RP1: variants seen among roughly 807,000 people sequenced by gnomAD.
RP1 encodes the protein oxygen-regulated protein 1.
In RP1, 16 loss-of-function variants were observed where a neutral mutation model predicts 14.8. That is an observed-to-expected ratio of 1.08 (90% confidence interval 0.73 to 1.65). RP1 has a LOEUF of 1.65. Among genes scored for constraint, RP1 ranks in the 40% most tolerant of loss-of-function variants. The pLI, the probability that RP1 is intolerant of heterozygous loss-of-function variation, is 0.00. For synonymous variants in RP1, 876 were observed against 883.6 expected, an observed-to-expected ratio of 0.99 and a Z score of 0.15; for missense variants, 2,631 against 2,535.0, an observed-to-expected ratio of 1.04 and a Z score of -0.81.
At chr8:54,844,769 T>C (rs1811874627) in intron 25 of RP1, among the ~76,000 whole-genome samples, 1 of 152,226 alleles carries the variant, frequency 6.6e-6, no homozygotes, top group Non-Finnish European at 1.5e-5. Context: ...TATTCTTATG[T>C]GATCCTATAG....
intron 19 of RP1, among the ~76,000 whole-genome samples, chr8:54,746,408 G>C (rs1339099193): frequency 6.6e-6 from 1 of 152,132 alleles, no homozygotes; most frequent in Non-Finnish European, 1.5e-5. Context: ...GTGAAGGTCT[G>C]ACTTGCTATT....
At chr8:54,833,206 T>G (rs1470648209) in intron 24 of RP1, among the ~76,000 whole-genome samples, 2 of 152,020 alleles carry the variant, frequency 1.3e-5, no homozygotes, top group African/African-American at 4.8e-5. Context: ...AAGTTCATTC[T>G]GCCCATTCTT....
At chr8:54,870,125 C>T (rs1812555816) in exon 29 of RP1, 2 of 379,536 alleles carry the variant, frequency 5.3e-6, no homozygotes, top group South Asian at 2.9e-4. Flanking sequence ...CCTCCGCCAA[C>T]AGCTGACCAA....
At chr8:54,793,503 G>T (rs752305498) in intron 24 of RP1, among the ~76,000 whole-genome samples, 1 of 151,922 alleles carries the variant, frequency 6.6e-6, no homozygotes, top group Non-Finnish European at 1.5e-5. Context: ...TTTATCCCTG[G>T]AGTGCAAGGA....
Position 54,719,188 on chromosome 8 carries a change from C to T in RP1, c.2212-941C>T, listed in dbSNP as rs182640827. On this transcript the variant is annotated intron_variant, in intron 15 of 22. Transcript: ENST00000636932. ...TGTCTTAGTTTATGGTGCCCCTCCACCTGAAATTTCCTATCCCTACCCCCA... is the reference window on the plus strand; with the variant it reads ...TGTCTTAGTTTATGGTGCCCCTCCATCTGAAATTTCCTATCCCTACCCCCA... Among the ~76,000 whole-genome samples the T allele has an allele frequency of 2.8e-4, 43 of 152,206 alleles. No homozygotes were observed. In the East Asian group the frequency reaches 8.1e-3, roughly 29 times the overall value.
chr8:54,596,475 C>G (rs1239665666), intron 1 of RP1, among the ~76,000 whole-genome samples: 7 of 152,172 alleles, frequency 4.6e-5, no homozygotes, highest in Admixed American at 4.6e-4. Context: ...TTATTCTGAT[C>G]CCTCTCCAAA....
intron 4 of RP1, among the ~76,000 whole-genome samples, chr8:54,651,031 CA>C (rs1476546537): frequency 2.0e-5 from 3 of 151,356 alleles, no homozygotes; most frequent in East Asian, 1.9e-4. Flanking sequence ...GTGTGTGTGT[CA>C]GGGGGGCAGT....
intron 24 of RP1, among the ~76,000 whole-genome samples, chr8:54,802,758 A>G (rs903126447): frequency 5.3e-5 from 8 of 152,216 alleles, no homozygotes; most frequent in African/African-American, 1.9e-4. Context: ...AACACATGAC[A>G]CAGGCAAGAT....
At position 54,626,619 on chromosome 8, in the gene RP1, C is replaced by G. The variant is rs1806059329; in HGVS notation, c.2737C>G (p.Gln913Glu). ...TGAGGCTATTGCTCATCATTCAATT[C>G]AAAATTATATACAGAGTTGGTTGCA... is the stretch of plus-strand genomic sequence containing the variant. ...FPEAIAHHSIQNYIQSWLQNI... is the reference protein window; with the variant it reads ...FPEAIAHHSIENYIQSWLQNI... Residue 913 changes from glutamine to glutamate, a missense_variant, in exon 4 of 4, where the codon CAA becomes GAA. Physicochemically the swap from Gln to Glu is conservative, Grantham distance 29 (BLOSUM62 2). Transcript: ENST00000220676. The G allele has an allele frequency of 6.2e-7, 1 of 1,613,516 alleles. No homozygotes were observed. The highest frequency in any genetic ancestry group is 8.5e-7 in the Non-Finnish European group (1 of 1,179,880).
Position 54,860,832 on chromosome 8 carries a change from G to GTGCTAT in RP1, c.4069+3729_4069+3734dup, listed in dbSNP as rs536289727. 1.5e-4 allele frequency among the ~76,000 whole-genome samples: 23 copies of GTGCTAT among 152,324 alleles called. No individual in the cohort carries two copies. In the South Asian group the frequency reaches 4.6e-3, roughly 30 times the overall value. ...TAAATATTTGAAAGTAACCTTCACA[G>GTGCTAT]TGCTATTGTCCATTTGACAAAGGGA... On this transcript the variant is annotated intron_variant, in intron 27 of 28. Transcript: ENST00000637698.
intron 14 of RP1, chr8:54,701,770 C>A: frequency 9.9e-7 from 1 of 1,007,700 alleles, no homozygotes; most frequent in Non-Finnish European, 1.4e-6. Flanking sequence ...CGAATCACTT[C>A]CCACTAGGTG....
intron 1 of RP1, among the ~76,000 whole-genome samples, chr8:54,575,067 A>G (rs1804612151): frequency 6.6e-6 from 1 of 152,220 alleles, no homozygotes; most frequent in South Asian, 2.1e-4. Context: ...CAACACAAAT[A>G]ATAACATTAT....
chr8:54,599,666 G>T (rs112124827), intron 1 of RP1, among the ~76,000 whole-genome samples: 14 of 152,180 alleles, frequency 9.2e-5, no homozygotes, highest in African/African-American at 3.4e-4. Flanking sequence ...TGTTGGCCAG[G>T]CTGGTCTCAA....
intron 18 of RP1, among the ~76,000 whole-genome samples, chr8:54,736,880 G>C (rs1351642619): frequency 3.9e-5 from 6 of 152,152 alleles, no homozygotes; most frequent in Non-Finnish European, 5.9e-5. Flanking sequence ...CACTGGCCTA[G>C]GGGTTAATGG....
At chr8:54,624,598 G>T in intron 3 of RP1, 72 bp from the exon 4 acceptor site, 1 of 1,478,304 alleles carries the variant, frequency 6.8e-7, no homozygotes, top group Non-Finnish European at 9.4e-7. Context: ...TCTTCCTTTG[G>T]ATATTTCTAA....
intron 27 of RP1, among the ~76,000 whole-genome samples, chr8:54,861,911 C>T (rs1197142772): frequency 6.6e-6 from 1 of 152,120 alleles, no homozygotes; most frequent in Non-Finnish European, 1.5e-5. Flanking sequence ...CTGAAAGAAA[C>T]TTTGTAATGC....
At chr8:54,747,431 T>C (rs1809253638) in intron 19 of RP1, among the ~76,000 whole-genome samples, 1 of 152,258 alleles carries the variant, frequency 6.6e-6, no homozygotes, top group African/African-American at 2.4e-5. Context: ...ATATTTTATA[T>C]TTGTTCATAG....
rs1160512017 is a variant in RP1 at position 54,701,619 on chromosome 8, C to G, written c.1955C>G (p.Ala652Gly). 3 of 1,535,498 alleles carry G rather than the reference C, an allele frequency of 2.0e-6. No individual in the cohort carries two copies. In the Admixed American group the frequency reaches 5.9e-5, roughly 30 times the overall value. ...GGCAAAATAGCTGATGCATCATCAG[C>G]AGGCTATGCAAATCTTTCAAAAGAA... The change falls in exon 14 of 23, where the codon GCA becomes GGA. Residue 652 changes from alanine (A) to glycine (G), a missense_variant. By Grantham distance (60) the Ala-to-Gly change is moderately conservative. Coordinates refer to the RP1 transcript ENST00000636932.
chr8:54,704,511 C>T lies in RP1; in HGVS notation c.1999-1932C>T, dbSNP rs114981072. On this transcript the variant is annotated intron_variant, in intron 14 of 22. Transcript: ENST00000636932. ...TAACAGTTATCATAATAATGAAAAG[C>T]TTGAAATATTGTGATAATTACCAAA... Among the ~76,000 whole-genome samples, 1,017 of 152,178 alleles carry T rather than the reference C, an allele frequency of 6.7e-3. 18 individuals are homozygous for T. The highest frequency in any genetic ancestry group is 0.023 in the African/African-American group (961 of 41,512).
Sources: gnomAD v4.1 joint callset for allele counts (sites outside exome capture counted in the v4.1 genomes callset) on GRCh38, gnomAD v4.1.1 for gene constraint, MANE v1.5 for transcripts, NCBI Gene and HGNC (gene_info 2026-07-23, HGNC 2026-07-21) for gene names.